The following SPPL3 variants were observed in gnomAD, a reference collection of about 807,000 sequenced individuals.
SPPL3 encodes signal peptide peptidase like 3.
Under a neutral mutation model 42.4 loss-of-function variants are expected in SPPL3, and 5 were observed. The observed-to-expected ratio is 0.12, with a 90% confidence interval of 0.06 to 0.25. The LOEUF (loss-of-function observed/expected upper bound fraction) is 0.25. Among genes scored for constraint, SPPL3 ranks in the 10% least tolerant of loss-of-function variants. The pLI is 1.00. For missense variants in SPPL3, 235 were observed against 489.0 expected (o/e 0.48, Z 4.90); for synonymous variants, 195 against 181.8 (o/e 1.07, Z -0.58).
At chr12:120,831,468 C>T (rs753682922) in intron 1 of SPPL3, among the ~76,000 whole-genome samples, 1 of 152,128 alleles carries the variant, frequency 6.6e-6, no homozygotes, top group South Asian at 2.1e-4. Flanking sequence ...ATTCAAACTC[C>T]TCTAAAATAA....
chr12:120,843,516 G>C (rs957097375), intron 1 of SPPL3, among the ~76,000 whole-genome samples: 1 of 152,080 alleles, frequency 6.6e-6, no homozygotes, highest in African/African-American at 2.4e-5. Flanking sequence ...CCATCTACTG[G>C]TTTCCTCCCA....
Position 120,815,728 on chromosome 12 carries a change from A to G in SPPL3, c.24-4842T>C, listed in dbSNP as rs111965009. Among the ~76,000 whole-genome samples the G allele has an allele frequency of 8.6e-5, 13 of 152,020 alleles. 1 individual carries two copies. The highest frequency in any genetic ancestry group is 2.9e-4 in the African/African-American group (12 of 41,462). On this transcript the variant is annotated intron_variant, in intron 1 of 10. Transcript: ENST00000353487. ...TCTGGAAGTCTGGAATTTTTATTTT[A>G]TTTTATTTTATTTTTTGAGACAGAG...
At chr12:120,839,050 C>T (rs1320482953) in intron 1 of SPPL3, among the ~76,000 whole-genome samples, 2 of 152,092 alleles carry the variant, frequency 1.3e-5, no homozygotes, top group Non-Finnish European at 2.9e-5. Context: ...TATAAAGACA[C>T]ATGCACACGT....
chr12:120,840,318 A>T (rs1258140639), intron 1 of SPPL3, among the ~76,000 whole-genome samples: 1 of 151,008 alleles, frequency 6.6e-6, no homozygotes, highest in Non-Finnish European at 1.5e-5. Context: ...TAAAATACTA[A>T]TACTTGCTTG....
chr12:120,783,694 T>C lies in SPPL3; in HGVS notation c.369A>G (p.Arg123=). Reference sequence around the variant, plus strand: ...CTTACTTGTTCTGAGGTGAGCAGGGTCTTGTTAAATACTGGCACATCGGGA... The same window carrying C: ...CTTACTTGTTCTGAGGTGAGCAGGGCCTTGTTAAATACTGGCACATCGGGA... ...LLLPMCQYLT[R]PCSPQNKISF... is the part of the protein sequence containing the mutation. The change falls in exon 5 of 11, where the codon AGA becomes AGG. Residue 123 remains arginine (R), a synonymous_variant. Transcript: ENST00000353487. 1 of 1,613,550 alleles carries C rather than the reference T, an allele frequency of 6.2e-7. No homozygotes were observed. The highest frequency in any genetic ancestry group is 8.5e-7 in the Non-Finnish European group (1 of 1,179,680).
intron 3 of SPPL3, among the ~76,000 whole-genome samples, chr12:120,789,824 C>CAAAAAAAAAAAAAAAAAAAAAAAA (rs3050392): frequency 6.6e-5 from 2 of 30,464 alleles, no homozygotes; most frequent in African/African-American, 2.2e-4. Context: ...GACTCCGTCT[C>CAAAAAAAAAAAAAAAAAAAAAAAA]AAAAAAAAAA....
intron 6 of SPPL3, among the ~76,000 whole-genome samples, chr12:120,777,522 G>T (rs1390007893): frequency 6.6e-6 from 1 of 152,074 alleles, no homozygotes; most frequent in African/African-American, 2.4e-5. Flanking sequence ...AATGCACATA[G>T]CTGTCACTTT....
intron 6 of SPPL3, among the ~76,000 whole-genome samples, chr12:120,774,184 G>A (rs1312790951): frequency 6.6e-6 from 1 of 152,132 alleles, no homozygotes; most frequent in East Asian, 1.9e-4. Flanking sequence ...GAAATCTGCA[G>A]CCATTCTGAG....
At chr12:120,848,188 C>G (rs1872106500) in intron 1 of SPPL3, among the ~76,000 whole-genome samples, 2 of 152,130 alleles carry the variant, frequency 1.3e-5, no homozygotes, top group Admixed American at 1.3e-4. Flanking sequence ...CTGACAGAAT[C>G]TCAAGGTTGC....
At chr12:120,783,336 G>A (rs1444677254) in intron 5 of SPPL3, among the ~76,000 whole-genome samples, 1 of 152,104 alleles carries the variant, frequency 6.6e-6, no homozygotes, top group Non-Finnish European at 1.5e-5. Context: ...AAAGAAGAAC[G>A]TTTGAGTTCA....
chr12:120,855,978 CAGCACTGTTCAACA>C (rs1316293775), intron 1 of SPPL3, among the ~76,000 whole-genome samples: 2 of 152,090 alleles, frequency 1.3e-5, no homozygotes, highest in East Asian at 3.9e-4. Context: ...TAATGTAAGC[CAGCACTGTTCAACA>C]GAACTCTGTG....
chr12:120,815,482 A>G (rs1230780238), intron 1 of SPPL3, among the ~76,000 whole-genome samples: 1 of 152,180 alleles, frequency 6.6e-6, no homozygotes, highest in Non-Finnish European at 1.5e-5. Flanking sequence ...AAAAAACAAG[A>G]GCGGCTTTCT....
At chr12:120,765,109 A>G (rs1868833852) in intron 10 of SPPL3, 39 bp from the exon 11 acceptor site, 2 of 1,604,184 alleles carry the variant, frequency 1.2e-6, no homozygotes, top group South Asian at 1.1e-5. Flanking sequence ...AGATTTAAAC[A>G]TGAGGCACAC....
chr12:120,772,640 C>A (rs1869165290), intron 6 of SPPL3, among the ~76,000 whole-genome samples: 1 of 152,098 alleles, frequency 6.6e-6, no homozygotes, highest in Non-Finnish European at 1.5e-5. Flanking sequence ...GGTAAATTGT[C>A]AATATATGTA....
intron 1 of SPPL3, among the ~76,000 whole-genome samples, chr12:120,843,871 T>C (rs1344393154): frequency 6.6e-6 from 1 of 152,094 alleles, no homozygotes; most frequent in African/African-American, 2.4e-5. Context: ...AGCAGGAGAA[T>C]CGCTTGAACC....
At chr12:120,834,468 C>T (rs1415619742) in intron 1 of SPPL3, among the ~76,000 whole-genome samples, 1 of 152,074 alleles carries the variant, frequency 6.6e-6, no homozygotes, top group Non-Finnish European at 1.5e-5. Flanking sequence ...GAGAGATAGG[C>T]CATGAACAGC....
intron 1 of SPPL3, among the ~76,000 whole-genome samples, chr12:120,855,099 G>A (rs78206307): frequency 0.01 from 1,535 of 152,084 alleles, 38 homozygotes; most frequent in African/African-American, 0.035. Context: ...TCCAGCCACC[G>A]TTTCTTCTCC....
At chr12:120,814,351 G>C (rs995779392) in intron 1 of SPPL3, among the ~76,000 whole-genome samples, 1 of 152,156 alleles carries the variant, frequency 6.6e-6, no homozygotes, top group East Asian at 1.9e-4. Flanking sequence ...AAGGCCACTC[G>C]AGCCTCTCTC....
At chr12:120,804,093 G>A (rs568356341) in intron 2 of SPPL3, among the ~76,000 whole-genome samples, 1 of 152,148 alleles carries the variant, frequency 6.6e-6, no homozygotes, top group South Asian at 2.1e-4. Flanking sequence ...AGTAGGTTTG[G>A]GTATACGTAA....
Sources: gnomAD v4.1 joint callset for allele counts (sites outside exome capture counted in the v4.1 genomes callset) on GRCh38, gnomAD v4.1.1 for gene constraint, MANE v1.5 for transcripts, NCBI Gene and HGNC (gene_info 2026-07-23, HGNC 2026-07-21) for gene names.